The following SI variants were observed in gnomAD, a reference collection of about 807,000 sequenced individuals.
SI encodes the protein sucrase-isomaltase, intestinal.
A neutral mutation model predicts 253.3 loss-of-function variants in SI; 235 were observed. That is an observed-to-expected ratio of 0.93 (90% confidence interval 0.83 to 1.03). The LOEUF is 1.03. Among genes scored for constraint, SI ranks in the 50% least tolerant of loss-of-function variants. SI has a pLI of 0.00. For missense variants in SI, 2,442 were observed against 2,211.1 expected (o/e 1.10, Z -2.09); for synonymous variants, 819 against 712.0 (o/e 1.15, Z -2.39).
At position 165,012,665 on chromosome 3, in the gene SI, C is replaced by T. The variant is rs140452042; in HGVS notation, c.4062+315G>A. ...CAGGATGGTCTCAATCTCCTGACCT[C>T]GTGATCCACCCACCTTGGCCTCCCA... On this transcript the variant is annotated intron_variant, in intron 34 of 47. Coordinates refer to ENST00000264382, the MANE Select transcript of SI (RefSeq NM_001041.4). Among the ~76,000 whole-genome samples the T allele has an allele frequency of 8.3e-3, 1,260 of 152,078 alleles. 14 individuals carry two copies. The highest frequency in any genetic ancestry group is 0.029 in the African/African-American group (1,198 of 41,510).
upstream of SI, among the ~76,000 whole-genome samples, chr3:165,081,950 A>T (rs557853915): frequency 5.3e-5 from 8 of 152,050 alleles, no homozygotes; most frequent in African/African-American, 1.7e-4. Flanking sequence ...AAGAGCTTCC[A>T]GAAAATAAGG....
At chr3:165,074,907 A>G (rs560383664) in intron 2 of SI, among the ~76,000 whole-genome samples, 1 of 152,170 alleles carries the variant, frequency 6.6e-6, no homozygotes, top group East Asian at 1.9e-4. Flanking sequence ...GAAGAAATAC[A>G]AAATATATTT....
chr3:165,071,369 C>A (rs9811133), intron 3 of SI, among the ~76,000 whole-genome samples: 39,295 of 151,438 alleles, frequency 0.26, 5,294 homozygotes, highest in Non-Finnish European at 0.31. Flanking sequence ...TTTTTAATTT[C>A]TCATCTAATT....
upstream of SI, among the ~76,000 whole-genome samples, chr3:165,081,103 A>C (rs1311610400): frequency 6.6e-6 from 1 of 152,018 alleles, no homozygotes; most frequent in Non-Finnish European, 1.5e-5. Context: ...AAATGCTTAG[A>C]AGGTAAATTC....
At chr3:165,088,649 A>G in the SI span, among the ~76,000 whole-genome samples, 2 of 152,068 alleles carry the variant, frequency 1.3e-5, no homozygotes, top group Admixed American at 6.6e-5. Flanking sequence ...CTCAAAAAAT[A>G]AATAAATAAA....
At chr3:165,057,595 G>A (rs1174409923) in intron 12 of SI, among the ~76,000 whole-genome samples, 1 of 151,768 alleles carries the variant, frequency 6.6e-6, no homozygotes, top group Non-Finnish European at 1.5e-5. Flanking sequence ...GCAGGATAAA[G>A]GAGACAAATA....
chr3:165,076,247 A>G (rs138160366), intron 1 of SI, among the ~76,000 whole-genome samples: 344 of 151,948 alleles, frequency 2.3e-3, no homozygotes, highest in African/African-American at 8.0e-3. Context: ...ATTTAAAGTA[A>G]AAGGAATGAA....
In SI at chr3:165,015,195, A is replaced by G; in HGVS notation, c.3927T>C (p.Pro1309=). 4.3e-6 allele frequency: 7 copies of G among 1,613,486 alleles called. No individual in the cohort carries two copies. The highest frequency in any genetic ancestry group is 5.1e-6 in the Non-Finnish European group (6 of 1,179,622). ...CATTCTGCTGTCCTCTTTCAAATGC[A>G]GGGTAAGTCTTTGTTTCATTTCCTG... ...AISGNETKTY[P]AFERGQQNDV... Residue 1309 remains proline (P), a synonymous_variant, in exon 33 of 48, where the codon CCT becomes CCC. Coordinates refer to ENST00000264382, the MANE Select transcript of SI (RefSeq NM_001041.4).
Position 164,979,179 on chromosome 3 carries a change from C to T in SI, c.*183G>A. On this transcript the variant is annotated 3_prime_UTR_variant, in exon 48 of 48. Transcript: ENST00000264382. ...GTTAAATATGCCTTAAAATTGAATC[C>T]AAGTCACATTACTATAATAAAATTA... The T allele has an allele frequency of 5.3e-6, 3 of 566,188 alleles. No individual in the cohort carries two copies. Among genetic ancestry groups the T allele is most frequent in the Non-Finnish European group, 9.5e-6 (3 of 315,226 alleles). 35.1% of individuals were successfully genotyped at this position (566,188 alleles called of 1,614,324 possible).
rs143782842 is a variant in SI, at chr3:165,059,950, A to G, written c.1098T>C (p.Asp366=). 1 of 1,612,166 alleles carries G rather than the reference A, an allele frequency of 6.2e-7. No homozygotes were observed. The highest frequency in any genetic ancestry group is 2.2e-5 in the East Asian group (1 of 44,712). ...QLSRWNYKSL[D]VVKEVVRRNR... ...TTCTCCTTACCACTTCTTTCACTAC[A>G]TCTAGTGACTTATAATTCCAGCGAC... Residue 366 remains aspartate, a synonymous_variant, in exon 10 of 48, where the codon GAT becomes GAC. Transcript: ENST00000264382.
At chr3:164,980,100 T>C (rs6767162) in intron 47 of SI, among the ~76,000 whole-genome samples, 7,331 of 151,940 alleles carry the variant, frequency 0.048, 602 homozygotes, top group African/African-American at 0.17. Flanking sequence ...TCAGAAAGTT[T>C]GGATTCAGTC....
intron 16 of SI, among the ~76,000 whole-genome samples, chr3:165,043,924 C>A (rs1036595418): frequency 6.6e-6 from 1 of 151,872 alleles, no homozygotes; most frequent in Non-Finnish European, 1.5e-5. Flanking sequence ...AAAAATTCTT[C>A]CGTGAAATTT....
In SI at chr3:165,069,126, C is replaced by T. The variant is rs149498200; in HGVS notation, c.325G>A (p.Val109Ile). The change falls in exon 4 of 48, where the codon GTT becomes ATT. Residue 109 changes from valine to isoleucine, a missense_variant. Val to Ile is a conservative substitution (Grantham distance 29). Transcript: ENST00000264382. ...NDSLIPWCFF[V>I]DNHGYNVQDM... ...TGAACGTTATAACCATGATTATCAA[C>T]GAAGAAGCACCAAGGAATAAGAGAG... 9.0e-5 allele frequency: 145 copies of T among 1,613,372 alleles called. No individual in the cohort carries two copies. Among genetic ancestry groups the T allele is most frequent in the African/African-American group, 3.2e-4 (24 of 74,996 alleles).
At chr3:165,059,137 A>G in intron 11 of SI, 31 bp downstream of exon 11, 1 of 1,611,720 alleles carries the variant, frequency 6.2e-7, no homozygotes, top group South Asian at 1.1e-5. Flanking sequence ...TGTAAACACT[A>G]AAAATGTATT....
intron 6 of SI, among the ~76,000 whole-genome samples, chr3:165,066,024 T>G (rs1488420955): frequency 6.6e-6 from 1 of 151,932 alleles, no homozygotes; most frequent in Non-Finnish European, 1.5e-5. Context: ...AGTTCTGAAT[T>G]CATGGATTCA....
In SI at chr3:165,030,811, C is replaced by T. The variant is rs1314243578; in HGVS notation, c.2793G>A (p.Trp931Ter). ...TTTCATTTTCTGAGAAAATTTGATT[C>T]CATTGAACACTAAAGTTTCTTCCAA... ...LNLGRNFSVQ[W>*]NQIFSENERF... Residue 931 changes from tryptophan to a stop codon, truncating the protein, a stop_gained, in exon 25 of 48, where the codon TGG becomes TGA. Coordinates refer to ENST00000264382, the MANE Select transcript of SI (RefSeq NM_001041.4). LOFTEE classifies it high-confidence loss of function. 1 of 1,602,744 alleles carries T rather than the reference C, an allele frequency of 6.2e-7. No homozygotes were observed. The highest frequency in any genetic ancestry group is 8.5e-7 in the Non-Finnish European group (1 of 1,174,590).
chr3:164,986,973 T>G (rs1717467939), intron 45 of SI, among the ~76,000 whole-genome samples, 165 bp downstream of exon 45: 1 of 152,226 alleles, frequency 6.6e-6, no homozygotes, highest in South Asian at 2.1e-4. Flanking sequence ...GTTTGCGACA[T>G]TGTTTATCTC....
At chr3:165,016,210 A>G in intron 31 of SI, 130 bp from the exon 32 acceptor site, 2 of 792,668 alleles carry the variant, frequency 2.5e-6, no homozygotes, top group Non-Finnish European at 4.4e-6. Context: ...CCTAAAAAGA[A>G]TTAAATGGTT....
chr3:164,979,277 C>A lies in SI; in HGVS notation c.*85G>T. 1 of 825,014 alleles carries A rather than the reference C, an allele frequency of 1.2e-6. No individual in the cohort carries two copies. Among genetic ancestry groups the A allele is most frequent in the African/African-American group, 1.7e-5 (1 of 59,976 alleles). The allele number at this position is 825,014 out of a possible 1,614,324, so 51.1% of individuals were successfully genotyped here. On this transcript the variant is annotated 3_prime_UTR_variant, in exon 48 of 48. Transcript: ENST00000264382. ...AGCTATATTTTGTAGAGTACAAGAA[C>A]CAAGTGAAGAGGGAAAATTGTAAGT...
Sources: allele counts gnomAD v4.1 joint callset (sites outside exome capture counted in the v4.1 genomes callset), GRCh38; gene constraint gnomAD v4.1.1; transcripts MANE v1.5; gene names NCBI Gene and HGNC (gene_info 2026-07-23, HGNC 2026-07-21).